Variants in QRICH1 observed in about 807,000 individuals in gnomAD.
QRICH1 encodes the protein transcriptional regulator QRICH1.
QRICH1 carries 16 observed loss-of-function variants against 87.1 expected under a neutral mutation model. The ratio of observed to expected loss-of-function variants is 0.18; its 90% CI spans 0.12 to 0.28. QRICH1 has a LOEUF of 0.28. QRICH1 is among the 10% of genes least tolerant of loss of function. QRICH1 has a pLI of 1.00. For missense variants in QRICH1, 647 were observed against 951.7 expected, an observed-to-expected ratio of 0.68 and a Z score of 4.21; for synonymous variants, 367 against 368.4, an observed-to-expected ratio of 1.00 and a Z score of 0.05.
chr3:49,061,997 T>C (rs1323556049), intron 2 of QRICH1, among the ~76,000 whole-genome samples: 1 of 151,944 alleles, frequency 6.6e-6, no homozygotes, highest in East Asian at 1.9e-4. Context: ...AGATAACAAG[T>C]ATAGGTAAGG....
At chr3:49,055,253 T>C (rs540881381) in intron 3 of QRICH1, among the ~76,000 whole-genome samples, 4 of 152,284 alleles carry the variant, frequency 2.6e-5, no homozygotes, top group South Asian at 4.1e-4. Context: ...CAGTCCCTTA[T>C]CTAACTTGTT....
intron 2 of QRICH1, among the ~76,000 whole-genome samples, chr3:49,058,575 C>G (rs1005114295): frequency 6.6e-6 from 1 of 152,170 alleles, no homozygotes; most frequent in Admixed American, 6.6e-5. Flanking sequence ...GTCCACCCAC[C>G]TCGGCCTCCC....
intron 1 of QRICH1, among the ~76,000 whole-genome samples, chr3:49,089,474 G>A (rs1342514380): frequency 6.6e-6 from 1 of 151,982 alleles, no homozygotes; most frequent in Non-Finnish European, 1.5e-5. Context: ...TCCATTCCAC[G>A]AACCTGAGCA....
At chr3:49,046,942 A>G in intron 4 of QRICH1, 127 bp downstream of exon 4, 1 of 1,111,652 alleles carries the variant, frequency 9.0e-7, no homozygotes, top group East Asian at 2.4e-5. Flanking sequence ...TGAATTCAAC[A>G]TACTATTACA....
chr3:49,041,167 C>T (rs924240098), intron 6 of QRICH1, among the ~76,000 whole-genome samples: 1 of 151,956 alleles, frequency 6.6e-6, no homozygotes, highest in East Asian at 1.9e-4. Context: ...TATGGGTTTC[C>T]CCATATTGGC....
Position 49,046,569 on chromosome 3 carries a change from C to A in QRICH1, c.1527G>T (p.Leu509=). 6.2e-7 allele frequency: 1 copy of A among 1,613,218 alleles called. No homozygotes were observed. The highest frequency in any genetic ancestry group is 1.1e-5 in the South Asian group (1 of 90,994). ...NRLAPIGRRQ[L]LRFQEDLISS... ...AGATGAGATCTTCCTGGAATCGCAG[C>A]AGTTGGCGCCCTGCAACGGAAGCCT... Residue 509 remains leucine (L), a synonymous_variant, in exon 5 of 10, where the codon CTG becomes CTT. Coordinates refer to ENST00000395443, the MANE Select transcript of QRICH1 (RefSeq NM_198880.3).
chr3:49,037,291 C>CA (rs1397583739), intron 6 of QRICH1, among the ~76,000 whole-genome samples: 1 of 152,104 alleles, frequency 6.6e-6, no homozygotes, highest in Admixed American at 6.6e-5. Flanking sequence ...AATTACCAAT[C>CA]AATTGTAGAT....
rs2093407043 is a variant in QRICH1, at chr3:49,057,109, G to A, written c.1091C>T (p.Thr364Ile). 1.2e-6 allele frequency: 2 copies of A among 1,614,194 alleles called. No homozygotes were observed. The highest frequency in any genetic ancestry group is 1.7e-6 in the Non-Finnish European group (2 of 1,180,042). The change falls in exon 3 of 10, where the codon ACC becomes ATC. Residue 364 changes from threonine to isoleucine, a missense_variant. This residue lies in a region of QRICH1 where 115 missense variants were observed against 126.8 expected (regional missense o/e 0.91). Coordinates refer to ENST00000395443, the MANE Select transcript of QRICH1 (RefSeq NM_198880.3). The surrounding 1 kb of genome is among the most constrained non-coding windows in gnomAD (Gnocchi z 5.4). Reference sequence around the variant, plus strand: ...ATGGGAGTTTTTCACTACAGATGTGGTGCCCACCATCTTCTCCTTGTCATC... The same window carrying A: ...ATGGGAGTTTTTCACTACAGATGTGATGCCCACCATCTTCTCCTTGTCATC... ...LEDDKEKMVG[T>I]TSVVKNSHEE...
At chr3:49,037,431 A>G (rs2093282481) in intron 6 of QRICH1, among the ~76,000 whole-genome samples, 1 of 152,224 alleles carries the variant, frequency 6.6e-6, no homozygotes, top group South Asian at 2.1e-4. Flanking sequence ...GGGGCAATTA[A>G]GATGAACAGT....
At chr3:49,076,329 G>A (rs775453604) in intron 2 of QRICH1, among the ~76,000 whole-genome samples, 3 of 152,218 alleles carry the variant, frequency 2.0e-5, no homozygotes, top group East Asian at 1.9e-4. Flanking sequence ...ACCGGGTTCC[G>A]GTGTGGAGAG....
intron 6 of QRICH1, among the ~76,000 whole-genome samples, chr3:49,034,675 T>C (rs2093263932): frequency 6.6e-6 from 1 of 152,182 alleles, no homozygotes; most frequent in Non-Finnish European, 1.5e-5. Flanking sequence ...TGTAAGACCC[T>C]GGTTCATAAG....
intron 3 of QRICH1, among the ~76,000 whole-genome samples, chr3:49,050,124 C>T (rs910101782): frequency 6.6e-6 from 1 of 151,492 alleles, no homozygotes; most frequent in African/African-American, 2.4e-5. Flanking sequence ...ATCACAAGGT[C>T]AGGAGATCGA....
chr3:49,060,051 A>AT (rs1358514381), intron 2 of QRICH1, among the ~76,000 whole-genome samples: 2 of 150,618 alleles, frequency 1.3e-5, no homozygotes, highest in African/African-American at 2.4e-5. Flanking sequence ...CGCCCGGCTG[A>AT]TTTTTTTATT....
At chr3:49,075,370 C>A (rs1458658497) in intron 2 of QRICH1, among the ~76,000 whole-genome samples, 1 of 151,062 alleles carries the variant, frequency 6.6e-6, no homozygotes, top group Non-Finnish European at 1.5e-5. Flanking sequence ...GTGGCTCATG[C>A]CTGTAATCCT....
chr3:49,076,870 T>G lies in QRICH1; in HGVS notation c.148A>C (p.Thr50Pro). 6.2e-7 allele frequency: 1 copy of G among 1,613,960 alleles called. No individual in the cohort carries two copies. Among genetic ancestry groups the G allele is most frequent in the Non-Finnish European group, 8.5e-7 (1 of 1,179,916 alleles). ...EALQEFQQTATTTMVYQQGGN... is the reference protein window; with the variant it reads ...EALQEFQQTAPTTMVYQQGGN... ...CCCTGTTGGTACACCATGGTAGTGG[T>G]GGCTGTCTGCTGGAACTCCTGAAGG... The change falls in exon 2 of 10, where the codon ACC (threonine) becomes CCC (proline). Residue 50 changes from threonine (T) to proline (P), a missense_variant. Around this residue, in one of 7 missense-constraint regions of QRICH1, gnomAD observed 56 missense variants for 109.6 expected, o/e 0.51. Transcript: ENST00000395443.
At chr3:49,082,718 A>T (rs1399556858) in intron 1 of QRICH1, among the ~76,000 whole-genome samples, 1 of 150,896 alleles carries the variant, frequency 6.6e-6, no homozygotes, top group Non-Finnish European at 1.5e-5. Flanking sequence ...ACACGGTGAA[A>T]CCCTGTCTCT....
rs750370599 is a variant in QRICH1 at position 49,057,012 on chromosome 3, T to C, written c.1188A>G (p.Pro396=). ...TGCCTGCCACAGCCTGCACAGCCAC[T>C]GGAATGTGGATGTTGCCATTCATGA... is the stretch of plus-strand genomic sequence containing the variant. The part of the protein sequence containing the change: ...AQFMNGNIHI[P]VAVQAVAGTY... The change falls in exon 3 of 10, where the codon CCA becomes CCG. Residue 396 remains proline, a synonymous_variant. Coordinates refer to ENST00000395443, the MANE Select transcript of QRICH1 (RefSeq NM_198880.3). The surrounding 1 kb of genome is among the most constrained non-coding windows in gnomAD (Gnocchi z 5.4). The C allele has an allele frequency of 5.6e-6, 9 of 1,614,212 alleles. No individual in the cohort carries two copies. The East Asian group carries it at 1.8e-4, about 32-fold the overall frequency.
intron 6 of QRICH1, among the ~76,000 whole-genome samples, chr3:49,041,881 G>A (rs939258741): frequency 2.6e-5 from 4 of 151,908 alleles, no homozygotes; most frequent in African/African-American, 9.7e-5. Context: ...ACCTGCCTCA[G>A]CCTCCCAAAG....
At chr3:49,053,692 C>A (rs2093385329) in intron 3 of QRICH1, among the ~76,000 whole-genome samples, 1 of 151,578 alleles carries the variant, frequency 6.6e-6, no homozygotes, top group Admixed American at 6.6e-5. Flanking sequence ...AGAGTTCTGG[C>A]AATAAAGTAG....
Sources: allele counts gnomAD v4.1 joint callset (sites outside exome capture counted in the v4.1 genomes callset), GRCh38; gene constraint gnomAD v4.1.1; regional missense constraint gnomAD v4.1.1; non-coding constraint Gnocchi (gnomAD v3.1); transcripts MANE v1.5; gene names NCBI Gene and HGNC (gene_info 2026-07-23, HGNC 2026-07-21).